The following SUGCT variants were observed in gnomAD, a reference collection of about 807,000 sequenced individuals.
SUGCT encodes the protein succinyl-CoA:glutarate CoA-transferase.
SUGCT carries 41 observed loss-of-function variants against 55.0 expected under a neutral mutation model. The observed-to-expected ratio is 0.74, with a 90% CI of 0.58 to 0.97. The LOEUF (loss-of-function observed/expected upper bound fraction) is 0.97, where lower values mean the gene tolerates loss of function less well. Ranked by LOEUF, SUGCT falls within the 50% of genes least tolerant of loss-of-function variation. The pLI is 0.00. For synonymous variants in SUGCT, 187 were observed against 200.4 expected, an observed-to-expected ratio of 0.93 and a Z score of 0.56; for missense variants, 568 against 547.8, an observed-to-expected ratio of 1.04 and a Z score of -0.37.
chr7:40,519,875 A>G (rs1435575182), intron 12 of SUGCT, among the ~76,000 whole-genome samples: 1 of 152,140 alleles, frequency 6.6e-6, no homozygotes, highest in Non-Finnish European at 1.5e-5. Flanking sequence ...AATAAAATAG[A>G]TAATTTAGAA....
At chr7:40,189,500 T>A in intron 4 of SUGCT, 44 bp from the exon 5 acceptor site, 1 of 657,918 alleles carries the variant, frequency 1.5e-6, no homozygotes. Flanking sequence ...TCTTGTGTTT[T>A]GGTCATCGAA....
chr7:40,866,846 C>A, the SUGCT span, among the ~76,000 whole-genome samples: 2 of 151,952 alleles, frequency 1.3e-5, no homozygotes, highest in African/African-American at 4.8e-5. Flanking sequence ...ACTGACAAAC[C>A]ACGGAGAGAT....
At chr7:40,547,654 C>G (rs1004676102) in intron 12 of SUGCT, among the ~76,000 whole-genome samples, 2 of 151,922 alleles carry the variant, frequency 1.3e-5, no homozygotes, top group East Asian at 3.9e-4. Flanking sequence ...TAGAGATAAA[C>G]AAAAGAAGGA....
intron 11 of SUGCT, among the ~76,000 whole-genome samples, chr7:40,470,612 A>G (rs1790352517): frequency 6.6e-6 from 1 of 152,116 alleles, no homozygotes; most frequent in Non-Finnish European, 1.5e-5. Flanking sequence ...CTCATTGATG[A>G]GGCTCAGATT....
At chr7:41,020,055 C>G in the SUGCT span, among the ~76,000 whole-genome samples, 490 of 152,226 alleles carry the variant, frequency 3.2e-3, 2 homozygotes, top group Non-Finnish European at 4.6e-3. Context: ...TATCATTTTT[C>G]CTAAAGTGAA....
chr7:41,030,743 A>G, the SUGCT span, among the ~76,000 whole-genome samples: 9 of 152,272 alleles, frequency 5.9e-5, no homozygotes, highest in South Asian at 1.9e-3. Context: ...TATGATAAAA[A>G]GTTAATTCCA....
chr7:40,147,674 G>C (rs763251797), intron 1 of SUGCT, among the ~76,000 whole-genome samples: 2 of 152,176 alleles, frequency 1.3e-5, no homozygotes, highest in Admixed American at 6.5e-5. Flanking sequence ...TTCTCTCCGC[G>C]TTGCTGAGAG....
At chr7:40,315,003 T>C (rs951985661) in intron 8 of SUGCT, among the ~76,000 whole-genome samples, 2 of 152,234 alleles carry the variant, frequency 1.3e-5, no homozygotes, top group African/African-American at 4.8e-5. Context: ...TGGGTGGTGT[T>C]GCAGGACTGC....
intron 9 of SUGCT, among the ~76,000 whole-genome samples, chr7:40,434,196 T>C (rs1166635089): frequency 6.6e-6 from 1 of 152,170 alleles, no homozygotes; most frequent in African/African-American, 2.4e-5. Context: ...CATAACACTC[T>C]CATGACCTTA....
chr7:40,147,360 C>G (rs993352130), intron 1 of SUGCT, among the ~76,000 whole-genome samples: 4 of 152,164 alleles, frequency 2.6e-5, no homozygotes, highest in African/African-American at 9.7e-5. Context: ...GAGGTTCAAC[C>G]CCCGCCTTCA....
intron 3 of SUGCT, among the ~76,000 whole-genome samples, chr7:40,187,424 T>G (rs1785584633): frequency 1.3e-5 from 2 of 151,892 alleles, no homozygotes; most frequent in Non-Finnish European, 2.9e-5. Context: ...ACCCTAAAAC[T>G]TAAAGTATAA....
intron 1 of SUGCT, among the ~76,000 whole-genome samples, chr7:40,160,186 T>G (rs1584219505): frequency 6.6e-6 from 1 of 152,328 alleles, no homozygotes; most frequent in East Asian, 1.9e-4. Flanking sequence ...TGGGTGGTCT[T>G]GGGAAACCCT....
intron 13 of SUGCT, among the ~76,000 whole-genome samples, chr7:40,798,794 A>G (rs999879145): frequency 1.3e-5 from 2 of 152,224 alleles, no homozygotes; most frequent in Non-Finnish European, 2.9e-5. Context: ...GAAGCAAAAT[A>G]CCTAAGTTAC....
intron 9 of SUGCT, among the ~76,000 whole-genome samples, chr7:40,326,734 A>C (rs1026805952): frequency 6.6e-6 from 1 of 152,194 alleles, no homozygotes; most frequent in South Asian, 2.1e-4. Context: ...GAATGGTTTA[A>C]TTAATTGAGA....
At chr7:40,221,783 A>G (rs996018670) in intron 6 of SUGCT, among the ~76,000 whole-genome samples, 2 of 152,106 alleles carry the variant, frequency 1.3e-5, no homozygotes, top group Admixed American at 1.3e-4. Context: ...GAACCACTGC[A>G]TTTGACCCCA....
intron 12 of SUGCT, among the ~76,000 whole-genome samples, chr7:40,743,070 T>G (rs1181168566): frequency 6.6e-6 from 1 of 152,224 alleles, no homozygotes; most frequent in East Asian, 1.9e-4. Flanking sequence ...TTTTTTGGCT[T>G]TCCTTTATCG....
intron 8 of SUGCT, among the ~76,000 whole-genome samples, chr7:40,306,908 A>T (rs1794879284): frequency 6.6e-6 from 1 of 152,170 alleles, no homozygotes; most frequent in African/African-American, 2.4e-5. Flanking sequence ...TACCTCTGGC[A>T]TTTGATATCC....
At chr7:40,767,601 G>C (rs1244604030) in intron 13 of SUGCT, among the ~76,000 whole-genome samples, 1 of 152,168 alleles carries the variant, frequency 6.6e-6, no homozygotes, top group African/African-American at 2.4e-5. Flanking sequence ...TGGAAAGAAT[G>C]CTGACCCATC....
the SUGCT span, among the ~76,000 whole-genome samples, chr7:40,903,252 G>A: frequency 3.6e-4 from 55 of 152,244 alleles, no homozygotes; most frequent in Non-Finnish European, 5.7e-4. Context: ...GCAGCTGGAC[G>A]GAGGTGAGAG....
Sources: gnomAD v4.1 joint callset for allele counts (sites outside exome capture counted in the v4.1 genomes callset) on GRCh38, gnomAD v4.1.1 for gene constraint, MANE v1.5 for transcripts, NCBI Gene and HGNC (gene_info 2026-07-23, HGNC 2026-07-21) for gene names.